The following KLHDC1 variants were observed in gnomAD, a reference collection of about 807,000 sequenced individuals.
KLHDC1 encodes kelch domain-containing protein 1.
KLHDC1 carries 53 observed loss-of-function variants against 68.3 expected under a neutral mutation model. That is an observed-to-expected ratio of 0.78 (90% confidence interval 0.62 to 0.98). The LOEUF (loss-of-function observed/expected upper bound fraction) is 0.98. Ranked by LOEUF, KLHDC1 falls within the 50% of genes least tolerant of loss-of-function variation. The probability of loss-of-function intolerance (pLI) is 0.00; values close to 1 mark genes in which losing one functional copy is unlikely to be tolerated. For synonymous variants in KLHDC1, 148 were observed against 159.0 expected, an observed-to-expected ratio of 0.93 and a Z score of 0.52; for missense variants, 470 against 492.3, an observed-to-expected ratio of 0.95 and a Z score of 0.43.
chr14:49,719,988 A>AT (rs71441254), intron 4 of KLHDC1, among the ~76,000 whole-genome samples: 76 of 130,678 alleles, frequency 5.8e-4, no homozygotes, highest in African/African-American at 1.9e-3. Flanking sequence ...CACCAAGCTC[A>AT]TTTTTTTTTT....
Position 49,734,603 on chromosome 14 carries a change from C to A in KLHDC1, c.838C>A (p.His280Asn). 1 of 1,591,080 alleles carries A rather than the reference C, an allele frequency of 6.3e-7. No homozygotes were observed. The highest frequency in any genetic ancestry group is 8.6e-7 in the Non-Finnish European group (1 of 1,165,472). Residue 280 changes from histidine (H) to asparagine (N), a missense_variant, in exon 10 of 13, where the codon CAT becomes AAT. His to Asn is a moderately conservative substitution (Grantham distance 68). Coordinates refer to ENST00000359332, the MANE Select transcript of KLHDC1 (RefSeq NM_172193.3). Reference protein sequence around the residue: ...DNIPLSDGWIHNVTTNCWKQL... With the variant: ...DNIPLSDGWINNVTTNCWKQL... Reference sequence around the variant, plus strand: ...TGATATTGCAGGTGATGGTTGGATTCATAATGTCACAACAAATTGTTGGAA... The same window carrying A: ...TGATATTGCAGGTGATGGTTGGATTAATAATGTCACAACAAATTGTTGGAA...
At chr14:49,734,282 A>G (rs535863302) in intron 9 of KLHDC1, among the ~76,000 whole-genome samples, 3 of 152,300 alleles carry the variant, frequency 2.0e-5, no homozygotes, top group African/African-American at 7.2e-5. Flanking sequence ...ATTTTCAGTA[A>G]TGCATACTGA....
intron 4 of KLHDC1, among the ~76,000 whole-genome samples, chr14:49,710,918 CTT>C (rs1396705105): frequency 1.3e-5 from 2 of 152,140 alleles, no homozygotes; most frequent in African/African-American, 4.8e-5. Flanking sequence ...ATAACTGTCT[CTT>C]TGCTATTTGT....
chr14:49,695,615 T>C (rs1887717389), intron 1 of KLHDC1, among the ~76,000 whole-genome samples: 1 of 152,200 alleles, frequency 6.6e-6, no homozygotes, highest in Non-Finnish European at 1.5e-5. Context: ...TTCAGAATGA[T>C]AAATGAACAT....
intron 1 of KLHDC1, among the ~76,000 whole-genome samples, chr14:49,707,952 G>A (rs565503212): frequency 2.0e-5 from 3 of 151,522 alleles, no homozygotes; most frequent in Admixed American, 6.6e-5. Flanking sequence ...CACTACACCC[G>A]GCCTATTTTT....
chr14:49,703,828 A>G (rs1003634310), intron 1 of KLHDC1, among the ~76,000 whole-genome samples: 5 of 152,028 alleles, frequency 3.3e-5, no homozygotes, highest in Non-Finnish European at 5.9e-5. Context: ...ATAACATTCT[A>G]CTCTATGAGT....
intron 4 of KLHDC1, among the ~76,000 whole-genome samples, chr14:49,715,281 C>G (rs537545761): frequency 1.3e-5 from 2 of 150,924 alleles, no homozygotes; most frequent in African/African-American, 2.4e-5. Context: ...CACCACCACA[C>G]CCAGCTAATT....
chr14:49,700,066 G>A, intron 1 of KLHDC1: 1 of 314,396 alleles, frequency 3.2e-6, no homozygotes, highest in South Asian at 2.3e-5. Flanking sequence ...TCTCGCTCTT[G>A]CCCAGGCTGG....
rs1405871239 is a variant in KLHDC1, at chr14:49,743,737, T to G, written c.982-16T>G. On this transcript the variant is annotated splice_polypyrimidine_tract_variant and intron_variant, in intron 11 of 12. Coordinates refer to ENST00000359332, the MANE Select transcript of KLHDC1 (RefSeq NM_172193.3). The stretch of plus-strand genomic sequence containing the variant: ...TTTTATCAAAAACTTAATAATGCCT[T>G]TTTTGTGTTGATTAGGGTCACTGTA... The G allele has an allele frequency of 1.3e-6, 2 of 1,547,014 alleles. No homozygotes were observed. Among genetic ancestry groups the G allele is most frequent in the Non-Finnish European group, 8.9e-7 (1 of 1,129,772 alleles).
At chr14:49,709,270 T>C (rs773059471) in intron 2 of KLHDC1, 41 bp downstream of exon 2, 2 of 845,184 alleles carry the variant, frequency 2.4e-6, no homozygotes, top group South Asian at 1.6e-5. Flanking sequence ...TCTTAATATC[T>C]ATTATAAATG....
intron 12 of KLHDC1, among the ~76,000 whole-genome samples, chr14:49,745,067 A>G (rs1399090888): frequency 2.0e-5 from 3 of 152,194 alleles, no homozygotes; most frequent in Admixed American, 6.5e-5. Context: ...TGCCCAGTGA[A>G]CAAGTGTGGG....
At chr14:49,707,428 G>GCCTCCAC (rs1888083472) in intron 1 of KLHDC1, among the ~76,000 whole-genome samples, 2 of 135,362 alleles carry the variant, frequency 1.5e-5, no homozygotes, top group African/African-American at 5.6e-5. Flanking sequence ...GCTCACTGCA[G>GCCTCCAC]CCTCCACCTC....
chr14:49,707,301 A>T (rs1315693977), intron 1 of KLHDC1, among the ~76,000 whole-genome samples: 28 of 143,782 alleles, frequency 1.9e-4, no homozygotes, highest in Admixed American at 5.7e-4. Context: ...TGTGTGTGAG[A>T]GAGAGAGAGA....
intron 12 of KLHDC1, among the ~76,000 whole-genome samples, chr14:49,749,341 T>C (rs1258043980): frequency 1.3e-5 from 2 of 152,112 alleles, no homozygotes; most frequent in African/African-American, 2.4e-5. Flanking sequence ...ATACTTAAGT[T>C]AGTAATGGCT....
At chr14:49,708,907 A>G (rs1489035909) in intron 1 of KLHDC1, 5 of 234,262 alleles carry the variant, frequency 2.1e-5, no homozygotes, top group African/African-American at 1.1e-4. Flanking sequence ...TAAAGGTTTA[A>G]TTGCCCTAAT....
At chr14:49,722,838 G>A (rs1888564267) in intron 4 of KLHDC1, among the ~76,000 whole-genome samples, 2 of 152,144 alleles carry the variant, frequency 1.3e-5, no homozygotes, top group Admixed American at 6.5e-5. Flanking sequence ...TGTAATCCCA[G>A]CACTTTGGGA....
Position 49,693,286 on chromosome 14 carries a change from A to G in KLHDC1, c.92A>G (p.Tyr31Cys). The change falls in exon 1 of 13, where the codon TAC (tyrosine) becomes TGC (cysteine). Residue 31 changes from tyrosine (Y) to cysteine (C), a missense_variant. By Grantham distance (194) the Tyr-to-Cys change is radical. Coordinates refer to ENST00000359332, the MANE Select transcript of KLHDC1 (RefSeq NM_172193.3). ...DGNFLYVWGG[Y>C]VSIEDNEVYL... ...AACTTCCTCTACGTGTGGGGGGGCT[A>G]CGTGGTAAGGGGAAGAGGCGGGACG... 1 of 1,546,836 alleles carries G rather than the reference A, an allele frequency of 6.5e-7. No individual in the cohort carries two copies. Among genetic ancestry groups the G allele is most frequent in the Non-Finnish European group, 8.7e-7 (1 of 1,147,804 alleles).
At chr14:49,743,701 CTCATTGTT>C in intron 11 of KLHDC1, 44 bp from the exon 12 acceptor site, 1 of 1,020,166 alleles carries the variant, frequency 9.8e-7, no homozygotes, top group Admixed American at 2.0e-5. Context: ...CAATTATTAA[CTCATTGTT>C]ATTTTTATCA....
At chr14:49,694,874 T>A (rs1439287778) in intron 1 of KLHDC1, among the ~76,000 whole-genome samples, 1 of 152,088 alleles carries the variant, frequency 6.6e-6, no homozygotes, top group Non-Finnish European at 1.5e-5. Context: ...AACAAAAAAC[T>A]GTACATACCT....
Sources: allele counts gnomAD v4.1 joint callset (sites outside exome capture counted in the v4.1 genomes callset), GRCh38; gene constraint gnomAD v4.1.1; transcripts MANE v1.5; gene names NCBI Gene and HGNC (gene_info 2026-07-23, HGNC 2026-07-21).